The following PCDHA13 variants were observed in gnomAD, a reference collection of about 807,000 sequenced individuals.
The protein encoded by PCDHA13 is protocadherin alpha 13, also known as protocadherin alpha-13.
Under a neutral mutation model 64.8 loss-of-function variants are expected in PCDHA13, and 54 were observed. That is an observed-to-expected ratio of 0.83 (90% CI 0.67 to 1.04). The LOEUF (loss-of-function observed/expected upper bound fraction) is 1.04. Among genes scored for constraint, PCDHA13 ranks in the 50% least tolerant of loss-of-function variants. The pLI is 0.00. For missense variants in PCDHA13, 1,248 were observed against 1,254.3 expected (o/e 0.99, Z 0.08); for synonymous variants, 587 against 564.4 (o/e 1.04, Z -0.57).
chr5:140,882,343 G>A lies in PCDHA13; in HGVS notation c.75G>A (p.Glu25=). Residue 25 remains glutamate (E), a synonymous_variant, in exon 1 of 4, where the codon GAG becomes GAA. Coordinates refer to ENST00000289272, the MANE Select transcript of PCDHA13 (RefSeq NM_018904.3). ...GGCTTCTGATCCTCGCAGCCTGGGA[G>A]ACGGGTAGTGGCCAGCTCCACTACT... ...LLWLLILAAW[E]TGSGQLHYSV... is the part of the protein sequence containing the mutation. The A allele has an allele frequency of 6.2e-7, 1 of 1,614,198 alleles. No homozygotes were observed. The highest frequency in any genetic ancestry group is 8.5e-7 in the Non-Finnish European group (1 of 1,180,022).
intron 1 of PCDHA13, among the ~76,000 whole-genome samples, chr5:140,920,056 C>T (rs2079426580): frequency 6.6e-6 from 1 of 152,144 alleles, no homozygotes; most frequent in African/African-American, 2.4e-5. Flanking sequence ...GCCACCAACA[C>T]CTGGAAAAGG....
At chr5:140,935,486 A>C (rs1554210536) in intron 1 of PCDHA13, among the ~76,000 whole-genome samples, 1 of 152,228 alleles carries the variant, frequency 6.6e-6, no homozygotes, top group East Asian at 1.9e-4. Context: ...CTTTTCATTT[A>C]TAAGGCACAT....
chr5:141,010,031 A>G lies in PCDHA13; in HGVS notation c.*94A>G, dbSNP rs113710382. The stretch of plus-strand genomic sequence containing the variant: ...TTCCCTGCTCCTTTTTCCTATCTAC[A>G]TGAGCCCTCTTAGAGACCTCAGAAA... On this transcript the variant is annotated 3_prime_UTR_variant, in exon 4 of 4. Transcript: ENST00000289272. 1.9e-6 allele frequency: 3 copies of G among 1,581,690 alleles called. No individual in the cohort carries two copies. The highest frequency in any genetic ancestry group is 2.6e-6 in the Non-Finnish European group (3 of 1,166,446).
intron 3 of PCDHA13, among the ~76,000 whole-genome samples, chr5:140,997,092 A>C (rs2097758868): frequency 6.6e-6 from 1 of 152,160 alleles, no homozygotes; most frequent in South Asian, 2.1e-4. Flanking sequence ...GAAAGTGCAG[A>C]GTTCTCATGC....
intron 1 of PCDHA13, among the ~76,000 whole-genome samples, chr5:140,948,446 G>A (rs1445406552): frequency 6.6e-6 from 1 of 151,446 alleles, no homozygotes; most frequent in Non-Finnish European, 1.5e-5. Flanking sequence ...CTGTGCCAGG[G>A]ATTTTCTTTT....
intron 1 of PCDHA13, among the ~76,000 whole-genome samples, chr5:140,939,732 G>C (rs2092446551): frequency 6.6e-6 from 1 of 152,168 alleles, no homozygotes; most frequent in African/African-American, 2.4e-5. Context: ...GTTGTGTGTA[G>C]CTGTGTATCA....
At chr5:141,005,960 TA>T (rs1322848010) in intron 3 of PCDHA13, among the ~76,000 whole-genome samples, 2 of 151,500 alleles carry the variant, frequency 1.3e-5, no homozygotes, top group Non-Finnish European at 2.9e-5. Context: ...CAAACAACAA[TA>T]AAAAAACAAT....
chr5:140,982,488 G>C lies in PCDHA13; in HGVS notation c.2467G>C (p.Glu823Gln), dbSNP rs782419098. 3 of 1,614,212 alleles carry C rather than the reference G, an allele frequency of 1.9e-6. No individual in the cohort carries two copies. Among genetic ancestry groups the C allele is most frequent in the Non-Finnish European group, 2.5e-6 (3 of 1,180,036 alleles). The change falls in exon 3 of 4, where the codon GAG becomes CAG. Residue 823 changes from glutamate to glutamine, a missense_variant. Glu to Gln is a conservative substitution (Grantham distance 29). Coordinates refer to ENST00000289272, the MANE Select transcript of PCDHA13 (RefSeq NM_018904.3). ...RAGMHSSVHLEEAGILRAGPG... is the reference protein window; with the variant it reads ...RAGMHSSVHLQEAGILRAGPG... The stretch of plus-strand genomic sequence containing the variant: ...GTGTTTATTCAGCTCTGTGCACCTA[G>C]AGGAGGCTGGCATTCTACGGGCTGG...
intron 1 of PCDHA13, among the ~76,000 whole-genome samples, chr5:140,946,990 C>T (rs181802680): frequency 2.6e-5 from 4 of 151,580 alleles, no homozygotes; most frequent in African/African-American, 9.7e-5. Context: ...TTTGAGTGTT[C>T]TAACTTCAAA....
rs1554181524 is a variant in PCDHA13 at position 140,884,399 on chromosome 5, T to C, written c.2131T>C (p.Leu711=). ...TGCCATCTGCGCGGTGTCCAGCCTG[T>C]TGGTGCTCACGTTGCTGCTGTATAC... ...IIAICAVSSL[L]VLTLLLYTAL... is the part of the protein sequence containing the mutation. Residue 711 remains leucine, a synonymous_variant, in exon 1 of 4, where the codon TTG becomes CTG. Transcript: ENST00000289272. 10 of 1,613,990 alleles carry C rather than the reference T, an allele frequency of 6.2e-6. No individual in the cohort carries two copies. Among genetic ancestry groups the C allele is most frequent in the African/African-American group, 4.0e-5 (3 of 75,054 alleles).
At chr5:140,998,273 A>G (rs1448303020) in intron 3 of PCDHA13, among the ~76,000 whole-genome samples, 1 of 152,216 alleles carries the variant, frequency 6.6e-6, no homozygotes, top group East Asian at 1.9e-4. Context: ...ACTGACACCC[A>G]TAGGATTAAA....
At position 140,894,452 on chromosome 5, in the gene PCDHA13, A is replaced by G. The variant is rs555452172; in HGVS notation, c.2394+9790A>G. On this transcript the variant is annotated intron_variant, in intron 1 of 3. Coordinates refer to ENST00000289272, the MANE Select transcript of PCDHA13 (RefSeq NM_018904.3). ...ATCCTACCTAGCTCTTTTTTAAAAA[A>G]TATTTTACTTTTTATTCTTGTTTTC... 3.9e-5 allele frequency among the ~76,000 whole-genome samples: 6 copies of G among 152,050 alleles called. No homozygotes were observed. In the East Asian group the frequency reaches 9.6e-4, roughly 24 times the overall value.
At chr5:140,946,447 A>G (rs1206019841) in intron 1 of PCDHA13, among the ~76,000 whole-genome samples, 6 of 151,544 alleles carry the variant, frequency 4.0e-5, no homozygotes, top group Non-Finnish European at 7.4e-5. Context: ...AGACTAAAAC[A>G]ACTATCCAGC....
chr5:140,902,171 A>T, intron 1 of PCDHA13, among the ~76,000 whole-genome samples: 1 of 144,502 alleles, frequency 6.9e-6, no homozygotes, highest in Non-Finnish European at 1.5e-5. Flanking sequence ...TCTAATTTGG[A>T]TGTCCTTTAT....
intron 3 of PCDHA13, among the ~76,000 whole-genome samples, chr5:141,005,688 C>T (rs1411519222): frequency 2.8e-5 from 3 of 107,694 alleles, no homozygotes; most frequent in African/African-American, 7.9e-5. Context: ...GGCGACAGAG[C>T]GAAACTCCGT....
intron 1 of PCDHA13, among the ~76,000 whole-genome samples, chr5:140,934,422 A>G (rs2089824417): frequency 1.3e-5 from 2 of 152,176 alleles, no homozygotes; most frequent in South Asian, 2.1e-4. Flanking sequence ...TGCATTATCA[A>G]TGCAAGTGTA....
At chr5:141,001,833 G>GAGACAGAGAGAGAGGTTGATT (rs1554258319) in intron 3 of PCDHA13, among the ~76,000 whole-genome samples, 1 of 151,780 alleles carries the variant, frequency 6.6e-6, no homozygotes, top group East Asian at 1.9e-4. Context: ...GACAGAGAGG[G>GAGACAGAGAGAGAGGTTGATT]AGACAGAGAG....
chr5:140,994,272 C>G (rs1400320599), intron 3 of PCDHA13, among the ~76,000 whole-genome samples: 1 of 152,168 alleles, frequency 6.6e-6, no homozygotes, highest in Non-Finnish European at 1.5e-5. Context: ...GCTAGGCTGC[C>G]TTTCTTGAGA....
At chr5:140,987,952 C>T (rs1176597775) in intron 3 of PCDHA13, among the ~76,000 whole-genome samples, 1 of 152,128 alleles carries the variant, frequency 6.6e-6, no homozygotes, top group African/African-American at 2.4e-5. Flanking sequence ...TCTGACAAAA[C>T]CAACTCCCCA....
Sources: gnomAD v4.1 joint callset for allele counts (sites outside exome capture counted in the v4.1 genomes callset) on GRCh38, gnomAD v4.1.1 for gene constraint, MANE v1.5 for transcripts, NCBI Gene and HGNC (gene_info 2026-07-23, HGNC 2026-07-21) for gene names.